Variants in POU2AF1 observed in about 807,000 individuals in gnomAD.
POU2AF1 encodes the protein POU class 2 homeobox associating factor 1.
In POU2AF1, 12 loss-of-function variants were observed where a neutral mutation model predicts 26.3. The ratio of observed to expected loss-of-function variants is 0.46; its 90% CI spans 0.29 to 0.74. POU2AF1 has a LOEUF of 0.74. Ranked by LOEUF, POU2AF1 falls within the 30% of genes least tolerant of loss-of-function variation. The probability of loss-of-function intolerance (pLI) is 0.09; values close to 1 mark genes in which losing one functional copy is unlikely to be tolerated. For synonymous variants in POU2AF1, 175 were observed against 148.0 expected (o/e 1.18, Z -1.32); for missense variants, 297 against 334.5 (o/e 0.89, Z 0.87).
rs371261318 is a variant in POU2AF1 at position 111,363,869 on chromosome 11, C to G, written c.17-4951G>C. The G allele has an allele frequency of 2.8e-5, 28 of 985,406 alleles. No homozygotes were observed. In the South Asian group the frequency reaches 1.2e-3, roughly 41 times the overall value. The allele number at this position is 985,406 out of a possible 1,614,324, so 61.0% of individuals were successfully genotyped here. The stretch of plus-strand genomic sequence containing the variant: ...TGGTCTGAGGGCCTTTTAAGTCTCC[C>G]GTAGGTATCCAAGAGTCCATCACGG... On this transcript the variant is annotated intron_variant, in intron 1 of 4. Transcript: ENST00000393067.
At position 111,358,827 on chromosome 11, in the gene POU2AF1, T is replaced by C. The variant is rs772101360; in HGVS notation, c.108A>G (p.Arg36=). The change falls in exon 2 of 5, where the codon CGA becomes CGG. Residue 36 remains arginine, a synonymous_variant. Transcript: ENST00000393067. ...GTGCTGCCCCACTGCTGGCGTGGCC[T>C]CGCTTCCTCCTCAGCAGTTCCTTCA... ...EPVKELLRRK[R]GHASSGAAPA... The C allele has an allele frequency of 1.2e-6, 2 of 1,607,754 alleles. No homozygotes were observed. Among genetic ancestry groups the C allele is most frequent in the Non-Finnish European group, 1.7e-6 (2 of 1,179,554 alleles).
In POU2AF1 at chr11:111,357,701, C is replaced by A. The variant is rs1368762319; in HGVS notation, c.200G>T (p.Cys67Phe). Residue 67 changes from cysteine (C) to phenylalanine (F), a missense_variant, in exon 4 of 5, where the codon TGC (cysteine) becomes TTC (phenylalanine). Coordinates refer to ENST00000393067, the MANE Select transcript of POU2AF1 (RefSeq NM_006235.3). ...AGACACAGAACCTTCCATGTCCAGG[C>A]AGGAAGGACCTGTGGGAAGAAGGAA... is the stretch of plus-strand genomic sequence containing the variant. ...LATYTTVGPS[C>F]LDMEGSVSAV... is the part of the protein sequence containing the mutation. 6.2e-7 allele frequency: 1 copy of A among 1,612,524 alleles called. No individual in the cohort carries two copies. The highest frequency in any genetic ancestry group is 8.5e-7 in the Non-Finnish European group (1 of 1,179,300).
intron 1 of POU2AF1, among the ~76,000 whole-genome samples, chr11:111,375,418 G>T (rs34880462): frequency 9.3e-6 from 1 of 107,436 alleles, no homozygotes; most frequent in Admixed American, 9.9e-5. Flanking sequence ...TTTTTTTGAG[G>T]CGGAGTCTCG....
intron 2 of POU2AF1, 137 bp from the exon 3 acceptor site, chr11:111,357,974 C>T: frequency 2.1e-6 from 2 of 964,112 alleles, no homozygotes; most frequent in East Asian, 2.7e-5. Flanking sequence ...ACATCCCACC[C>T]CGTATCCCAA....
At chr11:111,379,271 CGCTTG>C (rs1861377326) in exon 1 of POU2AF1, 2 of 1,508,176 alleles carry the variant, frequency 1.3e-6, no homozygotes, top group African/African-American at 2.8e-5. Context: ...GTGGAGCCAC[CGCTTG>C]AGCTGAGGCT....
chr11:111,365,431 C>T (rs985617141), intron 1 of POU2AF1, among the ~76,000 whole-genome samples: 16 of 152,194 alleles, frequency 1.1e-4, no homozygotes, highest in Admixed American at 9.8e-4. Flanking sequence ...AAGCCCCTAG[C>T]CCAGAAGGAC....
At chr11:111,367,152 C>T (rs1861120769) in intron 1 of POU2AF1, among the ~76,000 whole-genome samples, 2 of 152,240 alleles carry the variant, frequency 1.3e-5, no homozygotes, top group African/African-American at 2.4e-5. Flanking sequence ...GGATCCTTTC[C>T]CCGGCACTCT....
intron 1 of POU2AF1, among the ~76,000 whole-genome samples, chr11:111,376,001 T>A (rs149789130): frequency 3.6e-3 from 552 of 152,336 alleles, no homozygotes; most frequent in African/African-American, 0.012. Flanking sequence ...CAATATCCTA[T>A]CACCCAAGAA....
intron 1 of POU2AF1, among the ~76,000 whole-genome samples, chr11:111,373,209 A>G (rs764476590): frequency 1.3e-5 from 2 of 152,234 alleles, no homozygotes; most frequent in African/African-American, 2.4e-5. Context: ...CATAGCACCA[A>G]ATAAGTTCTC....
intron 1 of POU2AF1, among the ~76,000 whole-genome samples, chr11:111,370,829 A>G (rs1360420915): frequency 6.6e-6 from 1 of 152,184 alleles, no homozygotes; most frequent in Non-Finnish European, 1.5e-5. Context: ...ACCCAATGCT[A>G]TATGTTCCAT....
chr11:111,366,345 A>G (rs1307646543), intron 1 of POU2AF1, among the ~76,000 whole-genome samples: 1 of 152,232 alleles, frequency 6.6e-6, no homozygotes, highest in Non-Finnish European at 1.5e-5. Flanking sequence ...AAAAGACAGC[A>G]GGGGGAGAAA....
At chr11:111,377,149 A>T (rs1446817454) in intron 1 of POU2AF1, among the ~76,000 whole-genome samples, 1 of 151,476 alleles carries the variant, frequency 6.6e-6, no homozygotes, top group African/African-American at 2.4e-5. Context: ...AAGCGGGTGG[A>T]TCACTTGAGT....
At chr11:111,366,393 G>T (rs1861105718) in intron 1 of POU2AF1, among the ~76,000 whole-genome samples, 1 of 152,220 alleles carries the variant, frequency 6.6e-6, no homozygotes, top group Non-Finnish European at 1.5e-5. Flanking sequence ...TGAGAGAAAG[G>T]GGAACCATGA....
At position 111,354,515 on chromosome 11, in the gene POU2AF1, G is replaced by T; in HGVS notation, c.517C>A (p.Pro173Thr). 1 of 1,581,728 alleles carries T rather than the reference G, an allele frequency of 6.3e-7. No homozygotes were observed. The highest frequency in any genetic ancestry group is 8.6e-7 in the Non-Finnish European group (1 of 1,167,300). ...PPLEGPEHQA[P>T]LTYFPWPQPL... ...TGAGGCCACGGGAAATAGGTGAGGGGTGCCTGGTGCTCTGGGCCCTCCAGC... is the reference window on the plus strand; with the variant it reads ...TGAGGCCACGGGAAATAGGTGAGGGTTGCCTGGTGCTCTGGGCCCTCCAGC... The change falls in exon 5 of 5, where the codon CCC becomes ACC. Residue 173 changes from proline (P) to threonine (T), a missense_variant. Transcript: ENST00000393067.
intron 1 of POU2AF1, among the ~76,000 whole-genome samples, chr11:111,370,220 G>A (rs1272234690): frequency 6.6e-6 from 1 of 152,180 alleles, no homozygotes; most frequent in Non-Finnish European, 1.5e-5. Flanking sequence ...CTAACCAATG[G>A]CCCTCATGAT....
chr11:111,358,731 C>A (rs1565361297), intron 2 of POU2AF1, 57 bp downstream of exon 2: 4 of 1,526,776 alleles, frequency 2.6e-6, no homozygotes, highest in Non-Finnish European at 3.5e-6. Context: ...CTATCCCTGA[C>A]ACACACATTC....
chr11:111,376,492 G>C (rs1198874468), intron 1 of POU2AF1, among the ~76,000 whole-genome samples: 1 of 152,190 alleles, frequency 6.6e-6, no homozygotes, highest in Non-Finnish European at 1.5e-5. Context: ...ATTGGTTGGG[G>C]CTTGAAGATT....
intron 1 of POU2AF1, among the ~76,000 whole-genome samples, chr11:111,359,826 G>C (rs561477474): frequency 6.6e-6 from 1 of 152,168 alleles, no homozygotes. Flanking sequence ...TTTAAGCTCA[G>C]TTGATACTTA....
Position 111,353,707 on chromosome 11 carries a change from C to T in POU2AF1, c.*554G>A, listed in dbSNP as rs2135101828. On this transcript the variant is annotated 3_prime_UTR_variant, in exon 5 of 5. Transcript: ENST00000393067. ...TAAAATTACAGAGGGTGTGAGTGAC[C>T]CTAAGATGGTTCAGCAGGCACTGGA... The T allele has an allele frequency of 4.1e-6, 1 of 245,856 alleles. No homozygotes were observed. The highest frequency in any genetic ancestry group is 6.0e-5 in the East Asian group (1 of 16,666). The allele number at this position is 245,856 out of a possible 1,614,324, so 15.2% of individuals were successfully genotyped here. A position where few individuals can be genotyped will look rare whatever the true frequency, so the allele number is the denominator to read the frequency against.
Sources: allele counts gnomAD v4.1 joint callset (sites outside exome capture counted in the v4.1 genomes callset), GRCh38; gene constraint gnomAD v4.1.1; transcripts MANE v1.5; gene names NCBI Gene and HGNC (gene_info 2026-07-23, HGNC 2026-07-21).